The following SGCZ variants were observed in gnomAD, a reference collection of about 807,000 sequenced individuals.
SGCZ encodes the protein sarcoglycan zeta, also known as zeta-sarcoglycan.
Under a neutral mutation model 41.3 loss-of-function variants are expected in SGCZ, and 40 were observed. The ratio of observed to expected loss-of-function variants is 0.97; its 90% CI spans 0.75 to 1.26. The LOEUF is 1.26. SGCZ is among the 50% of genes most tolerant of loss of function. The pLI is 0.00. For synonymous variants in SGCZ, 206 were observed against 137.5 expected (o/e 1.50, Z -3.49); for missense variants, 552 against 369.8 (o/e 1.49, Z -4.04).
At chr8:14,413,236 G>A (rs996674828) in intron 2 of SGCZ, among the ~76,000 whole-genome samples, 1 of 151,952 alleles carries the variant, frequency 6.6e-6, no homozygotes, top group Non-Finnish European at 1.5e-5. Context: ...CAATCTCTTA[G>A]GTAATGTTGT....
intron 1 of SGCZ, among the ~76,000 whole-genome samples, chr8:14,840,803 A>G (rs144321001): frequency 1.3e-5 from 2 of 151,870 alleles, no homozygotes; most frequent in Admixed American, 1.3e-4. Context: ...TAACTTTATG[A>G]GACTTTTTAA....
chr8:15,064,989 C>T (rs2131017443), intron 1 of SGCZ, among the ~76,000 whole-genome samples: 1 of 152,206 alleles, frequency 6.6e-6, no homozygotes, highest in Admixed American at 6.5e-5. Context: ...GCCTCCATCC[C>T]AAGTCTCCAG....
chr8:15,112,162 T>A (rs1377053077), intron 1 of SGCZ, among the ~76,000 whole-genome samples: 1 of 152,212 alleles, frequency 6.6e-6, no homozygotes, highest in Non-Finnish European at 1.5e-5. Flanking sequence ...TAAGAAGGCC[T>A]TGACTCTTTC....
chr8:14,759,761 G>C (rs1223818425), intron 1 of SGCZ, among the ~76,000 whole-genome samples: 1 of 152,066 alleles, frequency 6.6e-6, no homozygotes, highest in Non-Finnish European at 1.5e-5. Context: ...AGCTCTCCTT[G>C]ATAAAGGACA....
At chr8:14,585,589 A>G (rs1387903218) in intron 1 of SGCZ, among the ~76,000 whole-genome samples, 1 of 152,124 alleles carries the variant, frequency 6.6e-6, no homozygotes, top group Non-Finnish European at 1.5e-5. Context: ...AGTGTCTTTT[A>G]AAGTTTTACT....
chr8:14,269,938 G>C (rs950505513), intron 3 of SGCZ, among the ~76,000 whole-genome samples: 1 of 152,098 alleles, frequency 6.6e-6, no homozygotes, highest in African/African-American at 2.4e-5. Flanking sequence ...AACAAAGGGA[G>C]AAAAATTTTA....
chr8:15,004,553 T>G (rs1802534865), intron 1 of SGCZ, among the ~76,000 whole-genome samples: 1 of 152,184 alleles, frequency 6.6e-6, no homozygotes, highest in African/African-American at 2.4e-5. Context: ...ACTCCTGGGT[T>G]GCAGTGTCTC....
At chr8:15,204,594 C>T (rs977142918) in intron 1 of SGCZ, among the ~76,000 whole-genome samples, 2 of 152,242 alleles carry the variant, frequency 1.3e-5, no homozygotes, top group African/African-American at 2.4e-5. Context: ...CAACTAGGGT[C>T]TTCCCTTCCT....
intron 2 of SGCZ, among the ~76,000 whole-genome samples, chr8:14,353,870 T>C (rs973631461): frequency 6.6e-6 from 1 of 152,104 alleles, no homozygotes; most frequent in Non-Finnish European, 1.5e-5. Flanking sequence ...ATTATGTTCA[T>C]CTGCTTTCAG....
chr8:14,481,625 C>T (rs1275418807), intron 2 of SGCZ, among the ~76,000 whole-genome samples: 1 of 152,122 alleles, frequency 6.6e-6, no homozygotes, highest in Admixed American at 6.5e-5. Context: ...TGTAACATCA[C>T]TTGCCTCTGG....
At chr8:14,139,132 T>C (rs1288292729) in intron 5 of SGCZ, among the ~76,000 whole-genome samples, 2 of 152,154 alleles carry the variant, frequency 1.3e-5, no homozygotes, top group African/African-American at 4.8e-5. Flanking sequence ...AAAGATGTTC[T>C]TTGAAACCAA....
rs571037363 is a variant in SGCZ, at chr8:14,595,210, C to G, written c.40-40284G>C. ...TGGAGAACCACTGTCATCCACTACT[C>G]TTTATGTAAAGCCCTTCAGGCAAGA... On this transcript the variant is annotated intron_variant, in intron 1 of 7. Transcript: ENST00000382080. Among the ~76,000 whole-genome samples the G allele has an allele frequency of 1.1e-3, 164 of 152,256 alleles. 1 individual carries two copies. The South Asian group carries it at 0.024, about 22-fold the overall frequency.
intron 2 of SGCZ, among the ~76,000 whole-genome samples, chr8:14,443,077 A>G (rs1367038415): frequency 6.6e-6 from 1 of 152,202 alleles, no homozygotes; most frequent in African/African-American, 2.4e-5. Context: ...CAAAGAAAAT[A>G]AAATACCTAG....
intron 1 of SGCZ, among the ~76,000 whole-genome samples, chr8:14,723,475 G>T (rs1451118584): frequency 6.6e-6 from 1 of 152,080 alleles, no homozygotes; most frequent in African/African-American, 2.4e-5. Context: ...AGGGAGAGGA[G>T]GCCTTAGCAG....
intron 1 of SGCZ, among the ~76,000 whole-genome samples, chr8:14,600,547 A>G (rs1805558309): frequency 6.6e-6 from 1 of 152,166 alleles, no homozygotes. Context: ...TTACGAAAAT[A>G]TGGATTCCTA....
At position 15,237,598 on chromosome 8, in the gene SGCZ, A is replaced by G. The variant is rs755074186; in HGVS notation, c.26T>C (p.Ile9Thr). ...ACCCGCACGTACCTTGAGCTCCTCA[A>G]TGTCCAGGTTCGTTGATCTGTCCAT... MDRSTNLDIEELKMTREQY... is the reference protein window; with the variant it reads MDRSTNLDTEELKMTREQY... The change falls in exon 1 of 8, where the codon ATT becomes ACT. Residue 9 changes from isoleucine (I) to threonine (T), a missense_variant. By Grantham distance (89) the Ile-to-Thr change is moderately conservative. Coordinates refer to ENST00000382080, the MANE Select transcript of SGCZ (RefSeq NM_139167.4). 1 of 1,591,568 alleles carries G rather than the reference A, an allele frequency of 6.3e-7. No homozygotes were observed. The highest frequency in any genetic ancestry group is 1.1e-5 in the South Asian group (1 of 87,926).
intron 5 of SGCZ, among the ~76,000 whole-genome samples, chr8:14,111,596 T>C (rs1389665881): frequency 6.6e-6 from 1 of 152,204 alleles, no homozygotes. Context: ...ACTGCTTGAT[T>C]ATAAAATCCT....
chr8:14,154,388 CA>C (rs1486807970), intron 5 of SGCZ, among the ~76,000 whole-genome samples: 1 of 5,208 alleles, frequency 1.9e-4, no homozygotes, highest in East Asian at 0.028. Flanking sequence ...CAAACAGCAA[CA>C]ACAAAAAAAA....
chr8:14,433,700 GCTCT>G (rs1315483109), intron 2 of SGCZ, among the ~76,000 whole-genome samples: 7 of 152,126 alleles, frequency 4.6e-5, no homozygotes, highest in Non-Finnish European at 8.8e-5. Flanking sequence ...ACATAAACAC[GCTCT>G]CTGAGGGTGA....
Sources: gnomAD v4.1 joint callset for allele counts (sites outside exome capture counted in the v4.1 genomes callset) on GRCh38, gnomAD v4.1.1 for gene constraint, MANE v1.5 for transcripts, NCBI Gene and HGNC (gene_info 2026-07-23, HGNC 2026-07-21) for gene names.